AUTS2: variants seen among roughly 807,000 people sequenced by gnomAD.
AUTS2 encodes activator of transcription and developmental regulator AUTS2, also known as autism susceptibility gene 2 protein.
In AUTS2, 17 loss-of-function variants were observed where a neutral mutation model predicts 112.4. The ratio of observed to expected loss-of-function variants is 0.15; its 90% CI spans 0.10 to 0.23. AUTS2 has a LOEUF of 0.23. AUTS2 is among the 10% of genes least tolerant of loss of function. AUTS2 has a pLI of 1.00. For missense variants in AUTS2, 1,510 were observed against 1,701.6 expected, an observed-to-expected ratio of 0.89 and a Z score of 1.98; for synonymous variants, 751 against 702.7, an observed-to-expected ratio of 1.07 and a Z score of -1.09.
intron 5 of AUTS2, among the ~76,000 whole-genome samples, chr7:70,475,109 A>G (rs1797533680): frequency 6.6e-6 from 1 of 152,188 alleles, no homozygotes; most frequent in South Asian, 2.1e-4. Context: ...TATATCTGCC[A>G]TTCTGATGTG....
intron 2 of AUTS2, among the ~76,000 whole-genome samples, chr7:70,031,428 G>C (rs572645029): frequency 6.6e-6 from 1 of 152,258 alleles, no homozygotes; most frequent in South Asian, 2.1e-4. Context: ...AGACCGAAGA[G>C]AGCACTAACG....
chr7:69,975,879 G>A (rs549842215), intron 2 of AUTS2, among the ~76,000 whole-genome samples: 320 of 151,750 alleles, frequency 2.1e-3, no homozygotes, highest in African/African-American at 7.4e-3. Context: ...GTAGAGACAG[G>A]GTTTCACCAT....
At chr7:70,147,799 A>G (rs1807210923) in intron 4 of AUTS2, among the ~76,000 whole-genome samples, 2 of 152,112 alleles carry the variant, frequency 1.3e-5, no homozygotes, top group South Asian at 4.1e-4. Context: ...CCCAAGAATC[A>G]CGGAAAGGAT....
At chr7:70,270,310 G>A (rs1003303939) in intron 4 of AUTS2, among the ~76,000 whole-genome samples, 1 of 152,154 alleles carries the variant, frequency 6.6e-6, no homozygotes, top group Non-Finnish European at 1.5e-5. Context: ...TTCACAGAGG[G>A]TGTGGAGTTA....
intron 1 of AUTS2, among the ~76,000 whole-genome samples, chr7:69,695,018 T>C (rs984665994): frequency 6.6e-6 from 1 of 152,142 alleles, no homozygotes; most frequent in African/African-American, 2.4e-5. Flanking sequence ...ATCATTTGTT[T>C]AATCACTGAA....
chr7:70,594,647 T>C (rs34590184), intron 5 of AUTS2, among the ~76,000 whole-genome samples: 12,064 of 152,242 alleles, frequency 0.079, 723 homozygotes, highest in African/African-American at 0.16. Flanking sequence ...GCTTGCTGTT[T>C]TTCTCTCTCC....
chr7:69,832,338 C>G (rs1330246465), intron 1 of AUTS2, among the ~76,000 whole-genome samples: 1 of 152,180 alleles, frequency 6.6e-6, no homozygotes, highest in Admixed American at 6.5e-5. Context: ...TTGGGAGCCA[C>G]TGATGTACCT....
chr7:70,363,461 A>AAAAG (rs1792375850), intron 4 of AUTS2, among the ~76,000 whole-genome samples: 1 of 128,482 alleles, frequency 7.8e-6, no homozygotes. Context: ...TAATATAAAA[A>AAAAG]AAAGAAAAAA....
intron 4 of AUTS2, among the ~76,000 whole-genome samples, chr7:70,302,492 A>G (rs1302882353): frequency 1.3e-5 from 2 of 152,086 alleles, no homozygotes; most frequent in Non-Finnish European, 2.9e-5. Flanking sequence ...AAAAAACACC[A>G]TAATTCCAAA....
chr7:69,687,101 C>G (rs934951984), intron 1 of AUTS2, among the ~76,000 whole-genome samples: 1 of 152,082 alleles, frequency 6.6e-6, no homozygotes, highest in Non-Finnish European at 1.5e-5. Flanking sequence ...TATTCTTAAC[C>G]ATAACACATA....
At chr7:70,657,519 C>T (rs1437313562) in intron 5 of AUTS2, among the ~76,000 whole-genome samples, 1 of 152,186 alleles carries the variant, frequency 6.6e-6, no homozygotes, top group East Asian at 1.9e-4. Context: ...ATTAGCTAAG[C>T]AGCTGGATAA....
chr7:70,744,847 G>C (rs1304533648), intron 6 of AUTS2, among the ~76,000 whole-genome samples: 4 of 152,092 alleles, frequency 2.6e-5, no homozygotes, highest in South Asian at 4.1e-4. Flanking sequence ...CATGTGTACA[G>C]GGTGCTTATG....
intron 4 of AUTS2, among the ~76,000 whole-genome samples, chr7:70,408,361 T>G (rs1794631667): frequency 6.6e-6 from 1 of 152,128 alleles, no homozygotes; most frequent in Non-Finnish European, 1.5e-5. Flanking sequence ...AGGAAACTCT[T>G]AAGCAGAACC....
rs115661774 is a variant in AUTS2 at position 70,710,574 on chromosome 7, T to C, written c.742+11954T>C. ...GTGCTGCATTTGCTGTTTGTTGGTT[T>C]GTAATTCGATGCGCAGTCTTCTTGT... On this transcript the variant is annotated intron_variant, in intron 6 of 18. Transcript: ENST00000342771. Among the ~76,000 whole-genome samples the C allele has an allele frequency of 1.4e-3, 207 of 152,366 alleles. 2 individuals carry two copies. The highest frequency in any genetic ancestry group is 4.9e-3 in the African/African-American group (202 of 41,592).
At chr7:69,732,735 C>A (rs1022391340) in intron 1 of AUTS2, among the ~76,000 whole-genome samples, 3 of 152,108 alleles carry the variant, frequency 2.0e-5, no homozygotes, top group African/African-American at 7.2e-5. Flanking sequence ...TCCCTTTGTT[C>A]ATTTTAGAAA....
intron 5 of AUTS2, among the ~76,000 whole-genome samples, chr7:70,529,767 G>C (rs1218968779): frequency 6.6e-6 from 1 of 152,164 alleles, no homozygotes; most frequent in Admixed American, 6.5e-5. Context: ...CTCCTTCTAG[G>C]GGGTGGGATC....
intron 4 of AUTS2, among the ~76,000 whole-genome samples, chr7:70,158,566 A>G (rs975548666): frequency 6.6e-6 from 1 of 152,146 alleles, no homozygotes; most frequent in Admixed American, 6.5e-5. Flanking sequence ...ACATATTTGA[A>G]TCCTAGACCT....
At chr7:70,543,595 C>G (rs981737079) in intron 5 of AUTS2, among the ~76,000 whole-genome samples, 1 of 151,940 alleles carries the variant, frequency 6.6e-6, no homozygotes, top group African/African-American at 2.4e-5. Flanking sequence ...ACACACACAC[C>G]TAAGTTGTTG....
chr7:70,785,716 G>A (rs950634602), intron 16 of AUTS2, among the ~76,000 whole-genome samples: 6 of 152,234 alleles, frequency 3.9e-5, no homozygotes, highest in African/African-American at 1.4e-4. Flanking sequence ...ACTGGGCAAA[G>A]GAAGAGTAAT....
Sources: gnomAD v4.1 joint callset for allele counts (sites outside exome capture counted in the v4.1 genomes callset) on GRCh38, gnomAD v4.1.1 for gene constraint, MANE v1.5 for transcripts, NCBI Gene and HGNC (gene_info 2026-07-23, HGNC 2026-07-21) for gene names.